The following CTNNA2 variants were observed in gnomAD, a reference collection of about 807,000 sequenced individuals.
The protein encoded by CTNNA2 is catenin alpha 2.
Under a neutral mutation model 101.0 loss-of-function variants are expected in CTNNA2, and 42 were observed. The ratio of observed to expected loss-of-function variants is 0.42; its 90% CI spans 0.32 to 0.54. CTNNA2 has a LOEUF of 0.54. CTNNA2 is among the 20% of genes least tolerant of loss of function. The pLI, the probability that CTNNA2 is intolerant of heterozygous loss-of-function variation, is 0.14. For missense variants in CTNNA2, 871 were observed against 1,223.1 expected (o/e 0.71, Z 4.29); for synonymous variants, 450 against 456.4 (o/e 0.99, Z 0.18).
At chr2:79,528,572 A>G (rs1672557717) in intron 1 of CTNNA2, among the ~76,000 whole-genome samples, 1 of 152,154 alleles carries the variant, frequency 6.6e-6, no homozygotes, top group Non-Finnish European at 1.5e-5. Context: ...AATTATGCCT[A>G]TAATGTAAGG....
At chr2:80,239,340 A>G (rs1234296674) in intron 7 of CTNNA2, among the ~76,000 whole-genome samples, 1 of 152,090 alleles carries the variant, frequency 6.6e-6, no homozygotes, top group Non-Finnish European at 1.5e-5. Flanking sequence ...TCAGAAAGTC[A>G]TTTACGTATC....
intron 4 of CTNNA2, among the ~76,000 whole-genome samples, chr2:79,461,525 C>A (rs561720410): frequency 6.6e-6 from 1 of 152,192 alleles, no homozygotes; most frequent in East Asian, 1.9e-4. Context: ...AAGCAGGAAC[C>A]AGGTGGCTTC....
intron 9 of CTNNA2, among the ~76,000 whole-genome samples, chr2:80,454,548 A>T (rs1269970552): frequency 6.6e-6 from 1 of 152,234 alleles, no homozygotes; most frequent in African/African-American, 2.4e-5. Context: ...GAACGTGTTC[A>T]AATGTTAGAT....
intron 3 of CTNNA2, among the ~76,000 whole-genome samples, chr2:79,795,792 T>C (rs1036525345): frequency 4.6e-5 from 7 of 152,240 alleles, no homozygotes; most frequent in African/African-American, 1.7e-4. Flanking sequence ...TCAACACTAC[T>C]ATGAGAAAAT....
chr2:79,590,265 T>A (rs1207552453), intron 1 of CTNNA2, among the ~76,000 whole-genome samples: 1 of 152,218 alleles, frequency 6.6e-6, no homozygotes, highest in Non-Finnish European at 1.5e-5. Context: ...CAAACATATA[T>A]ATGGAAAGAC....
intron 9 of CTNNA2, among the ~76,000 whole-genome samples, chr2:80,538,833 G>A (rs193211501): frequency 9.7e-4 from 147 of 152,262 alleles, no homozygotes; most frequent in Non-Finnish European, 1.8e-3. Context: ...CAATTTTCAC[G>A]ATACTGATTC....
chr2:80,412,701 A>G (rs1163213276), intron 8 of CTNNA2, among the ~76,000 whole-genome samples: 1 of 151,978 alleles, frequency 6.6e-6, no homozygotes, highest in Non-Finnish European at 1.5e-5. Flanking sequence ...TGAGGCGGTC[A>G]TCTTAGCCCG....
At chr2:79,894,028 TC>T (rs1684501465) in intron 6 of CTNNA2, among the ~76,000 whole-genome samples, 1 of 144,926 alleles carries the variant, frequency 6.9e-6, no homozygotes, top group Non-Finnish European at 1.5e-5. Flanking sequence ...TTCTTCTTCT[TC>T]TTCTTCTTCT....
chr2:80,634,940 G>A (rs1193998901), intron 18 of CTNNA2, among the ~76,000 whole-genome samples: 1 of 152,106 alleles, frequency 6.6e-6, no homozygotes, highest in Non-Finnish European at 1.5e-5. Context: ...GGCAAGGGTG[G>A]AGTTAATCAT....
chr2:79,725,599 T>C (rs1686787634), intron 2 of CTNNA2, among the ~76,000 whole-genome samples: 1 of 152,240 alleles, frequency 6.6e-6, no homozygotes, highest in African/African-American at 2.4e-5. Context: ...CTCATAACTA[T>C]ACTCATTCAA....
chr2:79,228,970 A>AT (rs2104234890), intron 2 of CTNNA2, among the ~76,000 whole-genome samples: 2 of 152,294 alleles, frequency 1.3e-5, no homozygotes, highest in South Asian at 4.1e-4. Flanking sequence ...ATTCTTCTGT[A>AT]TATGGCTAGC....
intron 7 of CTNNA2, among the ~76,000 whole-genome samples, chr2:80,006,628 C>T (rs1316529702): frequency 1.3e-5 from 2 of 152,242 alleles, no homozygotes; most frequent in Non-Finnish European, 2.9e-5. Context: ...TGCAAATTTC[C>T]ACTGCGCTAG....
At chr2:80,561,509 C>T (rs941839483) in intron 12 of CTNNA2, among the ~76,000 whole-genome samples, 2 of 152,180 alleles carry the variant, frequency 1.3e-5, no homozygotes, top group African/African-American at 4.8e-5. Flanking sequence ...GTCAGTTTCC[C>T]ATGTTCCATT....
chr2:79,330,616 C>T (rs1011264819), intron 3 of CTNNA2, among the ~76,000 whole-genome samples: 16 of 152,166 alleles, frequency 1.1e-4, no homozygotes, highest in African/African-American at 3.6e-4. Flanking sequence ...TCCCACGTGT[C>T]ATGAGAGGGA....
At chr2:80,582,503 A>C (rs896374540) in intron 14 of CTNNA2, among the ~76,000 whole-genome samples, 2 of 152,166 alleles carry the variant, frequency 1.3e-5, no homozygotes, top group African/African-American at 2.4e-5. Flanking sequence ...GTACTCCATG[A>C]TACTGTTCAC....
intron 9 of CTNNA2, among the ~76,000 whole-genome samples, chr2:80,538,414 A>C (rs1691237233): frequency 6.6e-6 from 1 of 152,154 alleles, no homozygotes; most frequent in Non-Finnish European, 1.5e-5. Context: ...AGGTGTAAGG[A>C]AGGGGTCCAG....
intron 7 of CTNNA2, among the ~76,000 whole-genome samples, chr2:79,942,284 G>A (rs1036334925): frequency 6.6e-6 from 1 of 152,132 alleles, no homozygotes; most frequent in African/African-American, 2.4e-5. Context: ...GAACCAGGAA[G>A]GCAGTGGTTT....
chr2:79,452,766 G>T (rs893860886), intron 4 of CTNNA2, among the ~76,000 whole-genome samples: 2 of 151,944 alleles, frequency 1.3e-5, no homozygotes, highest in Non-Finnish European at 1.5e-5. Context: ...AGATTGAACT[G>T]GGCATTCACA....
intron 7 of CTNNA2, chr2:80,289,232 T>A (rs2149174782): frequency 6.6e-6 from 1 of 152,104 alleles, no homozygotes; most frequent in South Asian, 2.1e-4. Flanking sequence ...AATAAATAAA[T>A]AAAAGGCAGT....
Sources: gnomAD v4.1 joint callset for allele counts (sites outside exome capture counted in the v4.1 genomes callset) on GRCh38, gnomAD v4.1.1 for gene constraint, MANE v1.5 for transcripts, NCBI Gene and HGNC (gene_info 2026-07-23, HGNC 2026-07-21) for gene names.